HYAL4: variants seen among roughly 807,000 people sequenced by gnomAD.
The protein encoded by HYAL4 is hyaluronidase 4, also known as hyaluronidase-4.
In HYAL4, 37 loss-of-function variants were observed where a neutral mutation model predicts 35.2. The observed-to-expected ratio is 1.05, with a 90% confidence interval of 0.81 to 1.38. The LOEUF (loss-of-function observed/expected upper bound fraction) is 1.38. HYAL4 is among the 40% of genes most tolerant of loss of function. The pLI is 0.00. For synonymous variants in HYAL4, 198 were observed against 203.2 expected (o/e 0.97, Z 0.22); for missense variants, 572 against 572.4 (o/e 1.00, Z 0.01).
Position 123,868,458 on chromosome 7 carries a change from A to T in HYAL4, c.185A>T (p.Lys62Ile), listed in dbSNP as rs779879646. The T allele has an allele frequency of 6.2e-6, 10 of 1,605,914 alleles. No homozygotes were observed. Among genetic ancestry groups the T allele is most frequent in the Non-Finnish European group, 6.8e-6 (8 of 1,178,172 alleles). The change falls in exon 3 of 5, where the codon AAA becomes ATA. Residue 62 changes from lysine (K) to isoleucine (I), a missense_variant. Coordinates refer to ENST00000223026, the MANE Select transcript of HYAL4 (RefSeq NM_012269.3). ...WNAPTDQCLIKYNLRLNLKMF... is the reference protein window; with the variant it reads ...WNAPTDQCLIIYNLRLNLKMF... ...GCTCCAACAGATCAGTGTTTGATAAAATATAATTTAAGACTAAATTTGAAA... is the reference window on the plus strand; with the variant it reads ...GCTCCAACAGATCAGTGTTTGATAATATATAATTTAAGACTAAATTTGAAA...
At chr7:123,777,332 CAT>C in the HYAL4 span, among the ~76,000 whole-genome samples, 6 of 151,628 alleles carry the variant, frequency 4.0e-5, no homozygotes, top group African/African-American at 1.2e-4. Flanking sequence ...ATATTGATAA[CAT>C]ATTGAAATAA....
chr7:123,830,775 ACT>A (rs1805868072), intron 1 of HYAL4, among the ~76,000 whole-genome samples: 1 of 151,232 alleles, frequency 6.6e-6, no homozygotes, highest in Non-Finnish European at 1.5e-5. Flanking sequence ...TCTAATTTAG[ACT>A]CTCATCTTTG....
At chr7:123,874,472 C>T (rs577257733) in intron 3 of HYAL4, among the ~76,000 whole-genome samples, 5 of 152,080 alleles carry the variant, frequency 3.3e-5, no homozygotes, top group South Asian at 2.1e-4. Context: ...GGTGCGATCT[C>T]GGCTCACTGC....
the HYAL4 span, among the ~76,000 whole-genome samples, chr7:123,805,403 A>G: frequency 6.6e-6 from 1 of 152,218 alleles, no homozygotes. Flanking sequence ...AAATGGAATT[A>G]TATTATTGTA....
chr7:123,819,499 T>C, the HYAL4 span: 9 of 152,542 alleles, frequency 5.9e-5, no homozygotes, highest in Admixed American at 3.3e-4. Context: ...ATTTTTTTTT[T>C]CGCATCAGAG....
chr7:123,825,210 T>TA, upstream of HYAL4, among the ~76,000 whole-genome samples: 2 of 152,184 alleles, frequency 1.3e-5, no homozygotes, highest in Admixed American at 1.3e-4. Context: ...GTCTTTTTTT[T>TA]AACCACGTTA....
At chr7:123,767,116 C>G in the HYAL4 span, among the ~76,000 whole-genome samples, 3 of 152,256 alleles carry the variant, frequency 2.0e-5, no homozygotes, top group South Asian at 6.2e-4. Flanking sequence ...ATCTTACTAT[C>G]AGTAGTACAC....
At chr7:123,874,876 T>G in intron 4 of HYAL4, 26 bp downstream of exon 4, 1 of 1,290,368 alleles carries the variant, frequency 7.7e-7, no homozygotes, top group Non-Finnish European at 1.1e-6. Context: ...GAAGGTATAT[T>G]TAATGTTTTC....
chr7:123,845,803 G>C (rs956777835), intron 1 of HYAL4, 118 bp downstream of exon 1: 2 of 152,154 alleles, frequency 1.3e-5, no homozygotes, highest in Non-Finnish European at 2.9e-5. Flanking sequence ...ATGGTATAGG[G>C]CTCAAGGCTG....
At chr7:123,813,816 C>G in the HYAL4 span, among the ~76,000 whole-genome samples, 1 of 152,270 alleles carries the variant, frequency 6.6e-6, no homozygotes, top group South Asian at 2.1e-4. Context: ...TCTAGTTCCT[C>G]TTAGAGCCAG....
the HYAL4 span, among the ~76,000 whole-genome samples, chr7:123,788,505 A>T: frequency 6.6e-6 from 1 of 152,196 alleles, no homozygotes; most frequent in African/African-American, 2.4e-5. Context: ...AAATTCTGAG[A>T]TCTAAAATAG....
chr7:123,770,905 G>C, the HYAL4 span, among the ~76,000 whole-genome samples: 1 of 152,132 alleles, frequency 6.6e-6, no homozygotes, highest in Non-Finnish European at 1.5e-5. Context: ...ATTAGAGATG[G>C]GGTACTGAGA....
chr7:123,812,706 C>T, the HYAL4 span, among the ~76,000 whole-genome samples: 4 of 151,982 alleles, frequency 2.6e-5, no homozygotes, highest in South Asian at 2.1e-4. Flanking sequence ...CATATATATA[C>T]GCAATGTGCA....
chr7:123,773,940 T>C, the HYAL4 span, among the ~76,000 whole-genome samples: 5 of 152,020 alleles, frequency 3.3e-5, no homozygotes, highest in Admixed American at 2.0e-4. Context: ...CACTCTGTTA[T>C]GCATGGCAGT....
upstream of HYAL4, among the ~76,000 whole-genome samples, chr7:123,824,822 C>A (rs1805777672): frequency 5.9e-5 from 9 of 152,150 alleles, no homozygotes; most frequent in Admixed American, 5.9e-4. Flanking sequence ...CTGCTGTCAT[C>A]TCTCCTCAGT....
the HYAL4 span, among the ~76,000 whole-genome samples, chr7:123,770,635 A>G: frequency 8.6e-3 from 1,315 of 152,174 alleles, 20 homozygotes; most frequent in African/African-American, 0.03. Context: ...AATTCTGCTC[A>G]GGGGAGCATT....
intron 1 of HYAL4, among the ~76,000 whole-genome samples, chr7:123,830,339 A>G (rs1159813031): frequency 6.6e-6 from 1 of 152,232 alleles, no homozygotes; most frequent in East Asian, 1.9e-4. Flanking sequence ...GAAATTAGTA[A>G]CAGGTACACC....
intron 2 of HYAL4, among the ~76,000 whole-genome samples, chr7:123,856,430 T>G (rs1287192393): frequency 6.6e-6 from 1 of 152,198 alleles, no homozygotes; most frequent in African/African-American, 2.4e-5. Flanking sequence ...GTGTTTTAGT[T>G]TTCCTTCTAA....
the HYAL4 span, among the ~76,000 whole-genome samples, chr7:123,817,642 T>C: frequency 6.8e-6 from 1 of 146,558 alleles, no homozygotes; most frequent in African/African-American, 2.5e-5. Context: ...TCCTGAGTAG[T>C]TGGGATTACA....
Sources: allele counts gnomAD v4.1 joint callset (sites outside exome capture counted in the v4.1 genomes callset), GRCh38; gene constraint gnomAD v4.1.1; transcripts MANE v1.5; gene names NCBI Gene and HGNC (gene_info 2026-07-23, HGNC 2026-07-21).